FGGY: variants seen among roughly 807,000 people sequenced by gnomAD.
FGGY encodes FGGY carbohydrate kinase domain-containing protein.
In FGGY, 72 loss-of-function variants were observed where a neutral mutation model predicts 71.3. That is an observed-to-expected ratio of 1.01 (90% CI 0.84 to 1.23). The LOEUF is 1.23. Among genes scored for constraint, FGGY ranks in the 50% most tolerant of loss-of-function variants. The pLI, the probability that FGGY is intolerant of heterozygous loss-of-function variation, is 0.00. For missense variants in FGGY, 668 were observed against 682.3 expected (o/e 0.98, Z 0.23); for synonymous variants, 251 against 250.3 (o/e 1.00, Z -0.02).
At chr1:59,374,972 G>A (rs555457539) in intron 4 of FGGY, among the ~76,000 whole-genome samples, 170 of 150,968 alleles carry the variant, frequency 1.1e-3, no homozygotes, top group Middle Eastern at 3.4e-3. Context: ...GCTAGATGAC[G>A]AGTTAGTGGG....
chr1:59,691,186 C>G (rs2097583845), intron 14 of FGGY, among the ~76,000 whole-genome samples: 3 of 152,180 alleles, frequency 2.0e-5, no homozygotes, highest in Admixed American at 2.0e-4. Context: ...AACATAAGCA[C>G]TGGACTAGAT....
intron 14 of FGGY, among the ~76,000 whole-genome samples, chr1:59,740,511 A>G (rs1473298667): frequency 6.6e-6 from 1 of 152,260 alleles, no homozygotes; most frequent in Non-Finnish European, 1.5e-5. Context: ...CCATTCCATC[A>G]CATTCAGAGC....
At chr1:59,367,641 C>G (rs2056806307) in intron 4 of FGGY, among the ~76,000 whole-genome samples, 1 of 152,200 alleles carries the variant, frequency 6.6e-6, no homozygotes, top group African/African-American at 2.4e-5. Context: ...GCCCCTCGAC[C>G]CTGGTGTCAC....
chr1:59,699,404 G>A (rs190498030), intron 14 of FGGY: 1 of 985,330 alleles, frequency 1.0e-6, no homozygotes, highest in Non-Finnish European at 1.2e-6. Flanking sequence ...GACGGTTCAG[G>A]CTTCTGTTAG....
chr1:59,526,865 C>G (rs2094999081), intron 7 of FGGY, among the ~76,000 whole-genome samples: 1 of 152,198 alleles, frequency 6.6e-6, no homozygotes, highest in Non-Finnish European at 1.5e-5. Context: ...CTTACCTGCT[C>G]TGTGCCTCAG....
At chr1:59,388,987 G>T (rs552190629) in intron 5 of FGGY, among the ~76,000 whole-genome samples, 11 of 151,756 alleles carry the variant, frequency 7.2e-5, no homozygotes, top group Non-Finnish European at 1.5e-4. Flanking sequence ...TTGCTCTGTC[G>T]CCCAGGCCGG....
At chr1:59,509,281 A>G (rs1380179400) in intron 6 of FGGY, among the ~76,000 whole-genome samples, 1 of 152,180 alleles carries the variant, frequency 6.6e-6, no homozygotes, top group Non-Finnish European at 1.5e-5. Context: ...TCCGTTACCA[A>G]TATCTCAGTG....
At chr1:59,430,743 C>A (rs777641403) in intron 5 of FGGY, among the ~76,000 whole-genome samples, 4 of 152,060 alleles carry the variant, frequency 2.6e-5, no homozygotes, top group Non-Finnish European at 5.9e-5. Flanking sequence ...ATCTCAGTGT[C>A]GTCAGAGTAC....
intron 11 of FGGY, among the ~76,000 whole-genome samples, chr1:59,652,253 G>A (rs973339744): frequency 6.8e-6 from 1 of 146,994 alleles, no homozygotes; most frequent in Non-Finnish European, 1.5e-5. Context: ...TTCTCGAGGA[G>A]TATCTTTGTG....
intron 6 of FGGY, among the ~76,000 whole-genome samples, chr1:59,493,130 C>CACACAA (rs3220800): frequency 2.4e-4 from 36 of 150,384 alleles, no homozygotes; most frequent in Middle Eastern, 3.4e-3. Flanking sequence ...CACACACACA[C>CACACAA]AAAACAGAAA....
chr1:59,693,704 G>A (rs950123365), intron 14 of FGGY, among the ~76,000 whole-genome samples: 5 of 152,062 alleles, frequency 3.3e-5, no homozygotes, highest in Admixed American at 6.6e-5. Flanking sequence ...AGTCATATAC[G>A]TGCACAGAAC....
intron 7 of FGGY, among the ~76,000 whole-genome samples, chr1:59,527,283 C>T (rs746805362): frequency 1.1e-4 from 17 of 152,148 alleles, no homozygotes; most frequent in Admixed American, 2.6e-4. Flanking sequence ...GGGAGGATTC[C>T]GAAATTATTT....
intron 6 of FGGY, among the ~76,000 whole-genome samples, chr1:59,485,565 G>A (rs1361687068): frequency 3.3e-5 from 5 of 152,174 alleles, no homozygotes; most frequent in Non-Finnish European, 5.9e-5. Flanking sequence ...GTATGAGTAG[G>A]AAATTTGTTT....
intron 6 of FGGY, among the ~76,000 whole-genome samples, chr1:59,468,158 C>T (rs2153538746): frequency 6.6e-6 from 1 of 152,298 alleles, no homozygotes. Context: ...CCCCCTCAGC[C>T]TCCCAAAGTG....
At chr1:59,731,534 G>C (rs1285341652) in intron 14 of FGGY, among the ~76,000 whole-genome samples, 1 of 152,114 alleles carries the variant, frequency 6.6e-6, no homozygotes, top group Non-Finnish European at 1.5e-5. Flanking sequence ...GTAGGGGGTT[G>C]GGTGATTAGC....
chr1:59,531,056 G>C (rs1175337746), intron 7 of FGGY, among the ~76,000 whole-genome samples: 1 of 152,128 alleles, frequency 6.6e-6, no homozygotes, highest in East Asian at 1.9e-4. Flanking sequence ...TAATGCATGG[G>C]CTTAAAGTGC....
intron 6 of FGGY, among the ~76,000 whole-genome samples, chr1:59,467,191 G>A (rs1251028007): frequency 6.6e-6 from 1 of 152,188 alleles, no homozygotes; most frequent in Non-Finnish European, 1.5e-5. Flanking sequence ...ATGAGTACAT[G>A]TCTTTTGTAG....
At chr1:59,344,663 C>T (rs917938430) in intron 3 of FGGY, among the ~76,000 whole-genome samples, 5 of 152,066 alleles carry the variant, frequency 3.3e-5, no homozygotes, top group African/African-American at 9.7e-5. Flanking sequence ...AAAATGGCAT[C>T]GTATTTGCGT....
intron 2 of FGGY, among the ~76,000 whole-genome samples, chr1:59,323,648 A>G (rs2046804514): frequency 6.6e-6 from 1 of 152,138 alleles, no homozygotes; most frequent in African/African-American, 2.4e-5. Flanking sequence ...CCCACTTACA[A>G]CGTTTATTAG....
Sources: gnomAD v4.1 joint callset for allele counts (sites outside exome capture counted in the v4.1 genomes callset) on GRCh38, gnomAD v4.1.1 for gene constraint, MANE v1.5 for transcripts, NCBI Gene and HGNC (gene_info 2026-07-23, HGNC 2026-07-21) for gene names.